Variants in NXPH2 observed in about 807,000 individuals in gnomAD.
The protein encoded by NXPH2 is neurexophilin 2, also known as neurexophilin-2.
A neutral mutation model predicts 19.8 loss-of-function variants in NXPH2; 5 were observed. The ratio of observed to expected loss-of-function variants is 0.25; its 90% confidence interval spans 0.13 to 0.53. The LOEUF (loss-of-function observed/expected upper bound fraction) is 0.53. Among genes scored for constraint, NXPH2 ranks in the 20% least tolerant of loss-of-function variants. The probability of loss-of-function intolerance (pLI) is 0.96; values close to 1 mark genes in which losing one functional copy is unlikely to be tolerated. For missense variants in NXPH2, 289 were observed against 322.8 expected, an observed-to-expected ratio of 0.90 and a Z score of 0.80; for synonymous variants, 154 against 127.4, an observed-to-expected ratio of 1.21 and a Z score of -1.41.
intron 1 of NXPH2, among the ~76,000 whole-genome samples, chr2:138,703,957 G>A (rs550275240): frequency 1.2e-4 from 18 of 152,160 alleles, no homozygotes; most frequent in African/African-American, 4.1e-4. Flanking sequence ...CTTTTCCTGC[G>A]CCACCAGCCT....
At chr2:138,767,870 T>G (rs1573983809) in intron 1 of NXPH2, among the ~76,000 whole-genome samples, 1 of 152,180 alleles carries the variant, frequency 6.6e-6, no homozygotes, top group Non-Finnish European at 1.5e-5. Context: ...GGATTTATCC[T>G]CTGTGTCTCT....
At chr2:138,773,195 G>A (rs1330394179) in intron 1 of NXPH2, among the ~76,000 whole-genome samples, 2 of 152,224 alleles carry the variant, frequency 1.3e-5, no homozygotes, top group Non-Finnish European at 2.9e-5. Context: ...TGGAGCCTGA[G>A]CAACAGGGTA....
At chr2:138,727,402 A>G (rs1467853195) in intron 1 of NXPH2, among the ~76,000 whole-genome samples, 3 of 152,122 alleles carry the variant, frequency 2.0e-5, no homozygotes, top group Non-Finnish European at 4.4e-5. Flanking sequence ...TAGTGTCAGC[A>G]TTTTGGATTA....
intron 1 of NXPH2, among the ~76,000 whole-genome samples, chr2:138,681,278 G>T (rs1373394234): frequency 6.6e-6 from 1 of 152,126 alleles, no homozygotes; most frequent in Non-Finnish European, 1.5e-5. Flanking sequence ...AATAAATGTA[G>T]GTAACACCCA....
At chr2:138,762,775 T>C (rs1367258257) in intron 1 of NXPH2, among the ~76,000 whole-genome samples, 1 of 152,160 alleles carries the variant, frequency 6.6e-6, no homozygotes, top group Non-Finnish European at 1.5e-5. Flanking sequence ...CAGAACAGTA[T>C]GCAGATGACA....
intron 1 of NXPH2, among the ~76,000 whole-genome samples, chr2:138,727,369 T>C (rs1237155447): frequency 6.6e-6 from 1 of 152,202 alleles, no homozygotes; most frequent in Non-Finnish European, 1.5e-5. Context: ...AAATTCCTAT[T>C]GTTCAACATC....
intron 1 of NXPH2, among the ~76,000 whole-genome samples, chr2:138,742,303 T>C (rs1471884009): frequency 6.6e-6 from 1 of 152,180 alleles, no homozygotes; most frequent in Non-Finnish European, 1.5e-5. Context: ...TTCTGGAATC[T>C]ACATGGGTTC....
rs528817830 is a variant in NXPH2 at position 138,695,533 on chromosome 2, A to G, written c.52-23868T>C. ...CCCAAATAAATCTATATATTCATGT[A>G]TTTTGATTCAAAAACTCCACAAATT... On this transcript the variant is annotated intron_variant, in intron 1 of 1. Coordinates refer to ENST00000272641, the MANE Select transcript of NXPH2 (RefSeq NM_007226.3). Among the ~76,000 whole-genome samples the G allele has an allele frequency of 2.0e-5, 3 of 152,294 alleles. No homozygotes were observed. In the South Asian group the frequency reaches 6.2e-4, roughly 32 times the overall value.
intron 1 of NXPH2, among the ~76,000 whole-genome samples, chr2:138,693,016 C>A (rs1331875389): frequency 1.3e-5 from 2 of 152,184 alleles, no homozygotes; most frequent in Non-Finnish European, 2.9e-5. Flanking sequence ...TTCAAACAAG[C>A]TATTAATGGA....
intron 1 of NXPH2, among the ~76,000 whole-genome samples, chr2:138,706,704 G>C (rs1054969873): frequency 2.6e-5 from 4 of 152,140 alleles, no homozygotes; most frequent in Admixed American, 6.6e-5. Context: ...TTGAAGTCAG[G>C]AGTTTGAGAA....
At chr2:138,698,403 A>G (rs575352488) in intron 1 of NXPH2, among the ~76,000 whole-genome samples, 13 of 152,304 alleles carry the variant, frequency 8.5e-5, no homozygotes, top group African/African-American at 3.1e-4. Context: ...ACTGGGCAGA[A>G]AGGTTTCTCA....
At chr2:138,714,381 G>C (rs542666289) in intron 1 of NXPH2, among the ~76,000 whole-genome samples, 1 of 152,036 alleles carries the variant, frequency 6.6e-6, no homozygotes, top group Non-Finnish European at 1.5e-5. Flanking sequence ...ACTTAATAAT[G>C]GATATATCTT....
At chr2:138,684,459 T>C (rs1481532549) in intron 1 of NXPH2, among the ~76,000 whole-genome samples, 1 of 152,198 alleles carries the variant, frequency 6.6e-6, no homozygotes, top group Non-Finnish European at 1.5e-5. Context: ...GTTAACATTT[T>C]AATATTTAAT....
At chr2:138,696,317 C>T (rs1055111628) in intron 1 of NXPH2, among the ~76,000 whole-genome samples, 1 of 152,102 alleles carries the variant, frequency 6.6e-6, no homozygotes, top group African/African-American at 2.4e-5. Flanking sequence ...GAAATAAACC[C>T]ACATATTTCA....
intron 1 of NXPH2, among the ~76,000 whole-genome samples, chr2:138,744,746 G>A (rs1305712326): frequency 6.6e-6 from 1 of 152,094 alleles, no homozygotes; most frequent in Non-Finnish European, 1.5e-5. Flanking sequence ...TTTTCCCACT[G>A]TGTGATGAAT....
intron 1 of NXPH2, among the ~76,000 whole-genome samples, chr2:138,777,232 TATTC>T (rs1682276875): frequency 6.6e-6 from 1 of 152,166 alleles, no homozygotes; most frequent in East Asian, 1.9e-4. Context: ...TTTGATATAA[TATTC>T]ATTTCAAATG....
chr2:138,755,341 T>A (rs1043934200), intron 1 of NXPH2, among the ~76,000 whole-genome samples: 1 of 152,128 alleles, frequency 6.6e-6, no homozygotes. Context: ...TTTGAATTAC[T>A]GCTGTGAAAG....
At chr2:138,671,788 C>CT in intron 1 of NXPH2, 123 bp from the exon 2 acceptor site, 1 of 982,388 alleles carries the variant, frequency 1.0e-6, no homozygotes, top group African/African-American at 1.6e-5. Context: ...GACAGCATTT[C>CT]ACACACACAG....
At chr2:138,679,848 T>C (rs1680546002) in intron 1 of NXPH2, among the ~76,000 whole-genome samples, 1 of 152,190 alleles carries the variant, frequency 6.6e-6, no homozygotes, top group Non-Finnish European at 1.5e-5. Flanking sequence ...GTTTATTGCT[T>C]CACTGATTTT....
Sources: allele counts gnomAD v4.1 joint callset (sites outside exome capture counted in the v4.1 genomes callset), GRCh38; gene constraint gnomAD v4.1.1; transcripts MANE v1.5; gene names NCBI Gene and HGNC (gene_info 2026-07-23, HGNC 2026-07-21).